MYH16: variants seen among roughly 807,000 people sequenced by gnomAD.
The protein encoded by MYH16 is putative uncharacterized protein MYH16.
intron 11 of MYH16, chr7:99,260,076 G>A: frequency 8.4e-7 from 1 of 1,186,268 alleles, no homozygotes; most frequent in South Asian, 1.3e-5. Context: ...GCAAAGTTTT[G>A]CTTTGCTTGT....
chr7:99,287,255 G>A (rs1365033775), intron 28 of MYH16, among the ~76,000 whole-genome samples: 4 of 151,840 alleles, frequency 2.6e-5, no homozygotes, highest in Middle Eastern at 3.4e-3. Flanking sequence ...GAGTCCGGCC[G>A]GGCACGGTGG....
intron 19 of MYH16, among the ~76,000 whole-genome samples, chr7:99,271,247 G>A (rs989392891): frequency 2.0e-5 from 3 of 152,316 alleles, no homozygotes; most frequent in Admixed American, 1.3e-4. Flanking sequence ...GGTGGCTCAT[G>A]CCTGTAATCC....
chr7:99,279,486 G>C (rs1233360280), intron 21 of MYH16, 24 bp from the exon 4 acceptor site: 10 of 454,458 alleles, frequency 2.2e-5, no homozygotes, highest in Middle Eastern at 3.2e-4. Context: ...CCCTGTCCTC[G>C]ACCGGGGCTC....
chr7:99,280,136 G>A (rs867949324), intron 22 of MYH16, among the ~76,000 whole-genome samples: 2 of 152,212 alleles, frequency 1.3e-5, no homozygotes, highest in East Asian at 3.9e-4. Context: ...GCCTCCCAAA[G>A]TGCTGGGATT....
chr7:99,258,274 G>A (rs568455551), exon 11 of MYH16: 1 of 153,358 alleles, frequency 6.5e-6, no homozygotes, highest in East Asian at 1.9e-4. Flanking sequence ...GGGCAAGGCT[G>A]TCTATGACAA....
chr7:99,279,278 G>A (rs1307516974), intron 21 of MYH16, among the ~76,000 whole-genome samples: 4 of 149,120 alleles, frequency 2.7e-5, no homozygotes, highest in Admixed American at 2.0e-4. Context: ...AGGACTTCTT[G>A]AGCCCAGGAG....
At chr7:99,276,341 G>A (rs560062712) in intron 20 of MYH16, among the ~76,000 whole-genome samples, 1 of 152,354 alleles carries the variant, frequency 6.6e-6, no homozygotes, top group East Asian at 1.9e-4. Context: ...TCCCTCCTGG[G>A]AAATGTATCT....
At chr7:99,273,914 A>G (rs1416442683) in intron 20 of MYH16, among the ~76,000 whole-genome samples, 1 of 151,950 alleles carries the variant, frequency 6.6e-6, no homozygotes, top group African/African-American at 2.4e-5. Flanking sequence ...AAAGGAAGGG[A>G]GAGAGGAAAG....
chr7:99,245,513 T>C (rs1791717130), intron 2 of MYH16, among the ~76,000 whole-genome samples: 2 of 152,114 alleles, frequency 1.3e-5, no homozygotes, highest in Non-Finnish European at 2.9e-5. Flanking sequence ...AATGATGTAA[T>C]TGGTTTTTCT....
At chr7:99,294,195 G>C (rs1362231969) in intron 33 of MYH16, 45 bp downstream of exon 14, 15 of 441,720 alleles carry the variant, frequency 3.4e-5, no homozygotes, top group South Asian at 2.4e-4. Context: ...CCGGGGCAGA[G>C]AGCCCACAGC....
downstream of MYH16, among the ~76,000 whole-genome samples, chr7:99,310,588 T>A (rs1792746593): frequency 6.6e-6 from 1 of 152,116 alleles, no homozygotes; most frequent in Non-Finnish European, 1.5e-5. Flanking sequence ...ACAGTATCCA[T>A]TACTAGGAAG....
chr7:99,242,894 T>C (rs1791681617), intron 1 of MYH16, among the ~76,000 whole-genome samples: 1 of 152,144 alleles, frequency 6.6e-6, no homozygotes, highest in Non-Finnish European at 1.5e-5. Flanking sequence ...GTCCATGGGA[T>C]CAAAGAATAA....
chr7:99,255,323 C>G (rs1791858080), intron 8 of MYH16, among the ~76,000 whole-genome samples: 1 of 151,664 alleles, frequency 6.6e-6, no homozygotes, highest in Non-Finnish European at 1.5e-5. Context: ...GTGGTGGTGC[C>G]TGTGGTCTCA....
At chr7:99,309,807 G>C (rs1315920037), downstream of MYH16, among the ~76,000 whole-genome samples, 1 of 152,212 alleles carries the variant, frequency 6.6e-6, no homozygotes, top group Non-Finnish European at 1.5e-5. Flanking sequence ...GCACCCAGAG[G>C]TGATGAGGCT....
At chr7:99,262,539 T>A (rs1476253131) in intron 13 of MYH16, among the ~76,000 whole-genome samples, 1 of 152,198 alleles carries the variant, frequency 6.6e-6, no homozygotes, top group African/African-American at 2.4e-5. Flanking sequence ...CCTGTGCATT[T>A]CCAAGAAGGC....
intron 29 of MYH16, among the ~76,000 whole-genome samples, chr7:99,289,030 C>T (rs1792328233): frequency 6.6e-6 from 1 of 151,786 alleles, no homozygotes; most frequent in South Asian, 2.1e-4. Context: ...GAGAGGATGG[C>T]TTGAGCCCAG....
Position 99,250,691 on chromosome 7 carries a change from G to A in MYH16, n.637-403G>A, listed in dbSNP as rs181412115. Among the ~76,000 whole-genome samples the A allele has an allele frequency of 2.2e-4, 34 of 152,220 alleles. No homozygotes were observed. The South Asian group carries it at 2.3e-3, about 10-fold the overall frequency. ...CAGGAGTTGGAGGCTGCAGTAAGCC[G>A]AGATCGTGCCACTGCACTCCAGCCT... On this transcript the variant is annotated intron_variant and non_coding_transcript_variant, in intron 5 of 41. Coordinates refer to ENST00000439784, the Ensembl canonical transcript of MYH16.
chr7:99,282,944 C>T (rs980712722), intron 23 of MYH16, among the ~76,000 whole-genome samples: 28 of 152,104 alleles, frequency 1.8e-4, no homozygotes, highest in African/African-American at 6.8e-4. Context: ...CACATAAGTG[C>T]CCGGGTGGGA....
intron 1 of MYH16, among the ~76,000 whole-genome samples, chr7:99,241,399 A>G (rs1791665435): frequency 6.6e-6 from 1 of 152,300 alleles, no homozygotes; most frequent in Non-Finnish European, 1.5e-5. Context: ...CCTGGCCAAC[A>G]TGGTGAAACC....
Sources: allele counts gnomAD v4.1 joint callset (sites outside exome capture counted in the v4.1 genomes callset), GRCh38; gene constraint gnomAD v4.1.1; transcripts MANE v1.5; gene names NCBI Gene and HGNC (gene_info 2026-07-23, HGNC 2026-07-21).